PTPN2: variants seen among roughly 807,000 people sequenced by gnomAD.
The protein encoded by PTPN2 is protein tyrosine phosphatase non-receptor type 2, also known as tyrosine-protein phosphatase non-receptor type 2.
A neutral mutation model predicts 57.3 loss-of-function variants in PTPN2; 19 were observed. The observed-to-expected ratio is 0.33, with a 90% CI of 0.23 to 0.49. The LOEUF is 0.49. Ranked by LOEUF, PTPN2 falls within the 20% of genes least tolerant of loss-of-function variation. The pLI is 0.99. For synonymous variants in PTPN2, 153 were observed against 164.9 expected (o/e 0.93, Z 0.55); for missense variants, 358 against 501.1 (o/e 0.71, Z 2.73).
At chr18:12,826,844 C>G (rs1198632668) in intron 4 of PTPN2, among the ~76,000 whole-genome samples, 1 of 151,748 alleles carries the variant, frequency 6.6e-6, no homozygotes, top group Non-Finnish European at 1.5e-5. Flanking sequence ...GCTGGGATTA[C>G]AGGCGTGAGC....
chr18:12,810,602 C>T (rs1013865088), intron 7 of PTPN2, among the ~76,000 whole-genome samples: 9 of 152,062 alleles, frequency 5.9e-5, no homozygotes, highest in African/African-American at 1.9e-4. Flanking sequence ...AGAACTACCA[C>T]GGCTGGCTTT....
intron 2 of PTPN2, among the ~76,000 whole-genome samples, chr18:12,840,212 C>T (rs969176120): frequency 6.6e-6 from 1 of 152,146 alleles, no homozygotes; most frequent in African/African-American, 2.4e-5. Flanking sequence ...GTAATCAGTA[C>T]GTTTTCAAAC....
chr18:12,832,194 G>T (rs2042692350), intron 3 of PTPN2, among the ~76,000 whole-genome samples: 1 of 152,130 alleles, frequency 6.6e-6, no homozygotes. Context: ...TCAGCTCACT[G>T]CAACCTCCAC....
intron 1 of PTPN2, among the ~76,000 whole-genome samples, chr18:12,879,353 C>T (rs1006537677): frequency 6.6e-6 from 1 of 152,198 alleles, no homozygotes; most frequent in Admixed American, 6.5e-5. Context: ...GTCCCATTGA[C>T]TCTTGCTTTC....
intron 5 of PTPN2, among the ~76,000 whole-genome samples, chr18:12,818,054 A>G (rs2145320768): frequency 6.6e-6 from 1 of 152,290 alleles, no homozygotes; most frequent in East Asian, 1.9e-4. Context: ...AGGCAGGAGA[A>G]TTGCTTGAAC....
intron 8 of PTPN2, among the ~76,000 whole-genome samples, chr18:12,800,797 G>A (rs1465978195): frequency 6.6e-6 from 1 of 152,164 alleles, no homozygotes; most frequent in African/African-American, 2.4e-5. Context: ...ATGCAGGAGA[G>A]AGGAAAGAAA....
downstream of PTPN2, chr18:12,792,094 C>T: frequency 8.0e-6 from 4 of 499,016 alleles, no homozygotes; most frequent in Non-Finnish European, 1.0e-5. Context: ...GTCCCTCTTA[C>T]CTCCTCTCCA....
chr18:12,801,933 A>T (rs1568084934), intron 8 of PTPN2, 37 bp downstream of exon 8: 4 of 1,512,264 alleles, frequency 2.6e-6, no homozygotes, highest in Admixed American at 2.2e-5. Context: ...AAAATAAAAA[A>T]GCCTCATCTT....
intron 1 of PTPN2, among the ~76,000 whole-genome samples, chr18:12,874,169 C>A (rs1037687298): frequency 4.7e-4 from 71 of 151,894 alleles, no homozygotes; most frequent in Middle Eastern, 3.4e-3. Context: ...GGGTCAGCCC[C>A]CGCCAGGCGA....
intron 1 of PTPN2, among the ~76,000 whole-genome samples, chr18:12,869,923 A>G (rs935725199): frequency 3.2e-4 from 49 of 152,198 alleles, no homozygotes; most frequent in African/African-American, 1.2e-3. Context: ...AGAATCTTGC[A>G]TACTTTGAAA....
intron 2 of PTPN2, among the ~76,000 whole-genome samples, chr18:12,842,026 C>T (rs2043062305): frequency 6.6e-6 from 1 of 152,046 alleles, no homozygotes; most frequent in African/African-American, 2.4e-5. Flanking sequence ...CCTGCCTCAG[C>T]CTCCTGAGTA....
At chr18:12,802,745 A>G (rs2041478865) in intron 7 of PTPN2, among the ~76,000 whole-genome samples, 1 of 152,218 alleles carries the variant, frequency 6.6e-6, no homozygotes, top group South Asian at 2.1e-4. Flanking sequence ...GCTGAAAGAT[A>G]ACAACTACTA....
At chr18:12,797,894 T>G (rs995454454) in intron 8 of PTPN2, among the ~76,000 whole-genome samples, 2 of 152,016 alleles carry the variant, frequency 1.3e-5, no homozygotes, top group African/African-American at 4.8e-5. Context: ...ATTTGGCGGA[T>G]TTTTGTATTT....
chr18:12,840,878 G>C (rs983030221), intron 2 of PTPN2: 1 of 1,572,118 alleles, frequency 6.4e-7, no homozygotes, highest in African/African-American at 1.3e-5. Flanking sequence ...CTTCTGTGCC[G>C]ATGCAGTCCA....
chr18:12,883,948 G>T, intron 1 of PTPN2, 125 bp downstream of exon 1: 3 of 722,878 alleles, frequency 4.2e-6, no homozygotes, highest in Non-Finnish European at 6.2e-6. Context: ...GGACCGCGCC[G>T]CCACTTCCGC....
intron 5 of PTPN2, among the ~76,000 whole-genome samples, chr18:12,818,789 T>C (rs1164251112): frequency 6.6e-6 from 1 of 152,108 alleles, no homozygotes; most frequent in Non-Finnish European, 1.5e-5. Flanking sequence ...AAGTTAGCTT[T>C]CGCTTTAAAA....
At chr18:12,857,060 C>CA (rs57221505) in intron 2 of PTPN2, among the ~76,000 whole-genome samples, 21,995 of 100,936 alleles carry the variant, frequency 0.22, 3,130 homozygotes, top group Non-Finnish European at 0.27. Context: ...GACACCATCT[C>CA]AAAAAAAAAA....
At chr18:12,789,515 G>A (rs1295719375), downstream of PTPN2, among the ~76,000 whole-genome samples, 2 of 152,218 alleles carry the variant, frequency 1.3e-5, no homozygotes, top group African/African-American at 4.8e-5. Context: ...TGTATCAATG[G>A]GAACGCAGAA....
chr18:12,796,203 C>T, intron 8 of PTPN2, among the ~76,000 whole-genome samples: 1 of 152,178 alleles, frequency 6.6e-6, no homozygotes, highest in East Asian at 1.9e-4. Context: ...CAAAGAATCA[C>T]ATCAACTAAA....
Sources: allele counts gnomAD v4.1 joint callset (sites outside exome capture counted in the v4.1 genomes callset), GRCh38; gene constraint gnomAD v4.1.1; transcripts MANE v1.5; gene names NCBI Gene and HGNC (gene_info 2026-07-23, HGNC 2026-07-21).